Variants in EFCAB5 observed in about 807,000 individuals in gnomAD.
EFCAB5 encodes the protein EF-hand calcium binding domain 5, also known as EF-hand calcium-binding domain-containing protein 5.
In EFCAB5, 131 loss-of-function variants were observed where a neutral mutation model predicts 167.9. That is an observed-to-expected ratio of 0.78 (90% CI 0.68 to 0.90). The LOEUF is 0.90. Among genes scored for constraint, EFCAB5 ranks in the 40% least tolerant of loss-of-function variants. The pLI, the probability that EFCAB5 is intolerant of heterozygous loss-of-function variation, is 0.00. For synonymous variants in EFCAB5, 574 were observed against 602.8 expected (o/e 0.95, Z 0.70); for missense variants, 1,663 against 1,745.2 (o/e 0.95, Z 0.84).
chr17:29,934,940 T>C (rs1302601471), intron 1 of EFCAB5, among the ~76,000 whole-genome samples: 1 of 152,100 alleles, frequency 6.6e-6, no homozygotes, highest in African/African-American at 2.4e-5. Flanking sequence ...TATAACTCAT[T>C]CATTGCATAC....
At chr17:30,007,285 C>G (rs1417029435) in intron 7 of EFCAB5, among the ~76,000 whole-genome samples, 1 of 152,144 alleles carries the variant, frequency 6.6e-6, no homozygotes, top group Non-Finnish European at 1.5e-5. Context: ...GTTACTTTGT[C>G]TGCTGTTGAT....
chr17:29,970,287 C>A (rs1157492681), intron 4 of EFCAB5, among the ~76,000 whole-genome samples: 1 of 152,092 alleles, frequency 6.6e-6, no homozygotes, highest in Non-Finnish European at 1.5e-5. Context: ...TTCCATTGGT[C>A]AGTCTCCCTT....
At chr17:30,059,470 T>G (rs1314996791) in intron 13 of EFCAB5, 75 bp from the exon 14 acceptor site, 6 of 1,419,938 alleles carry the variant, frequency 4.2e-6, no homozygotes, top group Non-Finnish European at 5.6e-6. Flanking sequence ...GGACTTTTTT[T>G]GGAATAAACA....
chr17:30,029,767 C>T (rs1353650419), intron 7 of EFCAB5, among the ~76,000 whole-genome samples: 7 of 152,112 alleles, frequency 4.6e-5, no homozygotes, highest in African/African-American at 1.4e-4. Context: ...AGATAGTTTC[C>T]AAACATAGTT....
chr17:30,106,615 C>T (rs1171944272), intron 22 of EFCAB5, among the ~76,000 whole-genome samples: 6 of 152,102 alleles, frequency 3.9e-5, no homozygotes, highest in Admixed American at 3.9e-4. Context: ...CACCACCACG[C>T]CTGGCTAATT....
intron 8 of EFCAB5, among the ~76,000 whole-genome samples, chr17:30,039,136 A>G (rs1187312311): frequency 3.3e-5 from 5 of 152,166 alleles, no homozygotes; most frequent in Non-Finnish European, 7.3e-5. Flanking sequence ...CGGTAAACCA[A>G]CACCATCCTG....
intron 4 of EFCAB5, among the ~76,000 whole-genome samples, chr17:29,990,141 A>G (rs79280416): frequency 6.6e-6 from 1 of 152,206 alleles, no homozygotes; most frequent in Non-Finnish European, 1.5e-5. Flanking sequence ...AATGCAAAAT[A>G]TAACTACTTT....
chr17:30,074,498 T>C (rs902756498), intron 14 of EFCAB5: 1 of 152,196 alleles, frequency 6.6e-6, no homozygotes, highest in Non-Finnish European at 1.5e-5. Context: ...TTTGCTTCTT[T>C]TTATTGCTGA....
chr17:29,993,869 A>G (rs1479796693), intron 5 of EFCAB5, among the ~76,000 whole-genome samples: 1 of 152,022 alleles, frequency 6.6e-6, no homozygotes, highest in African/African-American at 2.4e-5. Flanking sequence ...CTATAATCCC[A>G]GCACTTTTGG....
rs564642781 is a variant in EFCAB5, at chr17:30,063,208, T to G, written c.2737+3507T>G. Among the ~76,000 whole-genome samples the G allele has an allele frequency of 9.2e-5, 14 of 152,274 alleles. No homozygotes were observed. The South Asian group carries it at 2.3e-3, about 25-fold the overall frequency. On this transcript the variant is annotated intron_variant, in intron 14 of 22. Transcript: ENST00000394835. ...GGAAGTGGAGTCACTGCTATTCTTTTCCTTGTACTCCCTAAGGCCCAAACA... is the reference window on the plus strand; with the variant it reads ...GGAAGTGGAGTCACTGCTATTCTTTGCCTTGTACTCCCTAAGGCCCAAACA...
chr17:30,099,539 C>T (rs974119300), intron 22 of EFCAB5, among the ~76,000 whole-genome samples: 2 of 152,200 alleles, frequency 1.3e-5, no homozygotes, highest in African/African-American at 4.8e-5. Flanking sequence ...ATCCCTTCAT[C>T]CCCAAAGTTG....
chr17:30,069,422 C>G, intron 14 of EFCAB5: 1 of 1,537,770 alleles, frequency 6.5e-7, no homozygotes, highest in Non-Finnish European at 9.0e-7. Context: ...GATTTCCAGA[C>G]TTCAAGAGAT....
At chr17:29,949,385 T>G (rs1203111267) in intron 3 of EFCAB5, among the ~76,000 whole-genome samples, 1 of 152,226 alleles carries the variant, frequency 6.6e-6, no homozygotes, top group Non-Finnish European at 1.5e-5. Flanking sequence ...GGCGAAGATG[T>G]ACATATTGGG....
chr17:30,097,062 T>A (rs192082281), intron 22 of EFCAB5, among the ~76,000 whole-genome samples: 741 of 29,884 alleles, frequency 0.025, 9 homozygotes, highest in African/African-American at 0.076. Context: ...ATATATATAT[T>A]TTTTTTTTTT....
intron 4 of EFCAB5, among the ~76,000 whole-genome samples, chr17:29,975,110 C>T (rs896649173): frequency 1.3e-5 from 2 of 151,960 alleles, no homozygotes; most frequent in African/African-American, 4.8e-5. Context: ...AGCTTTTGAG[C>T]CATACAAAAC....
At chr17:30,008,065 A>G (rs777350957) in intron 7 of EFCAB5, among the ~76,000 whole-genome samples, 23 of 87,618 alleles carry the variant, frequency 2.6e-4, no homozygotes, top group Non-Finnish European at 4.4e-4. Context: ...TATTAAGTCA[A>G]TAGCAATCTA....
At chr17:30,005,372 T>G (rs1211191024) in intron 7 of EFCAB5, among the ~76,000 whole-genome samples, 2 of 152,190 alleles carry the variant, frequency 1.3e-5, no homozygotes, top group Admixed American at 1.3e-4. Context: ...TGGCATTTTG[T>G]TTTTTAACTC....
chr17:30,017,632 T>C (rs1248881977), intron 7 of EFCAB5, among the ~76,000 whole-genome samples: 5 of 152,178 alleles, frequency 3.3e-5, no homozygotes, highest in Admixed American at 3.3e-4. Flanking sequence ...GAAATAACTA[T>C]ACATATCTGT....
At chr17:30,014,082 G>A (rs1301321543) in intron 7 of EFCAB5, among the ~76,000 whole-genome samples, 1 of 152,158 alleles carries the variant, frequency 6.6e-6, no homozygotes, top group Non-Finnish European at 1.5e-5. Flanking sequence ...TTCAGGAGCA[G>A]GTTGTTCAGT....
Sources: allele counts gnomAD v4.1 joint callset (sites outside exome capture counted in the v4.1 genomes callset), GRCh38; gene constraint gnomAD v4.1.1; transcripts MANE v1.5; gene names NCBI Gene and HGNC (gene_info 2026-07-23, HGNC 2026-07-21).